The following C8orf34 variants were observed in gnomAD, a reference collection of about 807,000 sequenced individuals.
C8orf34 encodes the protein uncharacterized protein C8orf34.
C8orf34 carries 65 observed loss-of-function variants against 68.3 expected under a neutral mutation model. The observed-to-expected ratio is 0.95, with a 90% CI of 0.78 to 1.17. The LOEUF (loss-of-function observed/expected upper bound fraction) is 1.17. Among genes scored for constraint, C8orf34 ranks in the 50% most tolerant of loss-of-function variants. C8orf34 has a pLI of 0.00. For missense variants in C8orf34, 664 were observed against 655.4 expected (o/e 1.01, Z -0.14); for synonymous variants, 244 against 241.2 (o/e 1.01, Z -0.11).
chr8:68,815,605 C>T (rs1824786077), intron 12 of C8orf34, among the ~76,000 whole-genome samples: 1 of 152,108 alleles, frequency 6.6e-6, no homozygotes, highest in African/African-American at 2.4e-5. Context: ...ACACAGACTA[C>T]ATACATATCC....
intron 7 of C8orf34, among the ~76,000 whole-genome samples, chr8:68,634,429 C>T (rs981410973): frequency 3.3e-5 from 5 of 152,176 alleles, no homozygotes; most frequent in East Asian, 1.9e-4. Context: ...TTTCCTCCCT[C>T]GACTTATGCA....
Position 68,703,554 on chromosome 8 carries a change from C to G in C8orf34, c.1242-5440C>G, listed in dbSNP as rs145725607. ...GTTTCTTCCAGATCTTATTTCCTGC[C>G]CCAGGATGGCCAATGGGAATCATTC... On this transcript the variant is annotated intron_variant, in intron 8 of 13. Coordinates refer to ENST00000518698, the MANE Select transcript of C8orf34 (RefSeq NM_052958.4). Among the ~76,000 whole-genome samples the G allele has an allele frequency of 4.7e-3, 716 of 152,168 alleles. 8 individuals carry two copies. Among genetic ancestry groups the G allele is most frequent in the African/African-American group, 0.017 (696 of 41,534 alleles).
At chr8:68,567,125 A>C (rs1312044516) in intron 7 of C8orf34, among the ~76,000 whole-genome samples, 1 of 152,080 alleles carries the variant, frequency 6.6e-6, no homozygotes, top group African/African-American at 2.4e-5. Flanking sequence ...TTGGTATTAG[A>C]GTGATACTGG....
At chr8:68,453,956 C>T in intron 3 of C8orf34, among the ~76,000 whole-genome samples, 1 of 151,860 alleles carries the variant, frequency 6.6e-6, no homozygotes, top group East Asian at 1.9e-4. Flanking sequence ...CTCTTCTATT[C>T]CTAGTTTGTT....
At chr8:68,500,704 G>T (rs1813730167) in intron 5 of C8orf34, among the ~76,000 whole-genome samples, 1 of 152,120 alleles carries the variant, frequency 6.6e-6, no homozygotes, top group African/African-American at 2.4e-5. Flanking sequence ...GTAGGGCAAA[G>T]TGTCAACCAA....
intron 5 of C8orf34, among the ~76,000 whole-genome samples, chr8:68,488,816 C>G (rs1316165018): frequency 3.9e-5 from 6 of 152,078 alleles, no homozygotes; most frequent in Admixed American, 1.3e-4. Flanking sequence ...TATAACTAAA[C>G]ATATTCTCAT....
At chr8:68,481,052 A>G (rs1163640135) in intron 4 of C8orf34, among the ~76,000 whole-genome samples, 1 of 152,180 alleles carries the variant, frequency 6.6e-6, no homozygotes, top group Non-Finnish European at 1.5e-5. Context: ...CCCTCCCATC[A>G]CAGGCCTAGA....
intron 6 of C8orf34, among the ~76,000 whole-genome samples, chr8:68,531,212 G>C (rs934930277): frequency 1.3e-5 from 2 of 152,008 alleles, no homozygotes; most frequent in African/African-American, 4.8e-5. Flanking sequence ...CCACCATAAA[G>C]TTATCTAATG....
intron 7 of C8orf34, among the ~76,000 whole-genome samples, chr8:68,542,293 G>A (rs1815728453): frequency 6.6e-6 from 1 of 152,148 alleles, no homozygotes; most frequent in South Asian, 2.1e-4. Flanking sequence ...GTATTACAAT[G>A]CATTCTCTTA....
At chr8:68,662,987 A>G (rs1819727539) in intron 8 of C8orf34, among the ~76,000 whole-genome samples, 1 of 152,226 alleles carries the variant, frequency 6.6e-6, no homozygotes, top group South Asian at 2.1e-4. Context: ...AGTTCTGAAA[A>G]CAATGGAAGT....
At chr8:68,762,130 T>G (rs146431776) in intron 10 of C8orf34, among the ~76,000 whole-genome samples, 1,980 of 152,272 alleles carry the variant, frequency 0.013, 45 homozygotes, top group African/African-American at 0.043. Context: ...TGATTAAAGA[T>G]TCTCTTAATT....
chr8:68,397,194 C>G (rs1170025421), intron 1 of C8orf34, among the ~76,000 whole-genome samples: 2 of 151,812 alleles, frequency 1.3e-5, no homozygotes, highest in Non-Finnish European at 2.9e-5. Context: ...TTATTAGAGA[C>G]AAGGTTTCCA....
intron 7 of C8orf34, among the ~76,000 whole-genome samples, chr8:68,596,260 G>A (rs1172760984): frequency 1.3e-5 from 2 of 152,014 alleles, no homozygotes; most frequent in Non-Finnish European, 2.9e-5. Context: ...AGTAATGTGA[G>A]CTCAACTACT....
chr8:68,610,950 C>T (rs145980167), intron 7 of C8orf34, among the ~76,000 whole-genome samples: 25 of 150,894 alleles, frequency 1.7e-4, no homozygotes, highest in Middle Eastern at 3.4e-3. Context: ...CTGCAACCTC[C>T]GCCTACCAGG....
chr8:68,803,617 T>C (rs1423276216), intron 12 of C8orf34, among the ~76,000 whole-genome samples: 1 of 152,090 alleles, frequency 6.6e-6, no homozygotes, highest in Non-Finnish European at 1.5e-5. Flanking sequence ...GATAATCAAA[T>C]GAGACCAAAA....
chr8:68,721,242 C>A, intron 9 of C8orf34, 119 bp from the exon 10 acceptor site: 1 of 643,492 alleles, frequency 1.6e-6, no homozygotes. Context: ...CTCACAAACA[C>A]TATGATTTTT....
At position 68,355,185 on chromosome 8, in the gene C8orf34, A is replaced by G. The variant is rs564107043; in HGVS notation, c.327+23846A>G. On this transcript the variant is annotated intron_variant, in intron 1 of 13. Coordinates refer to ENST00000518698, the MANE Select transcript of C8orf34 (RefSeq NM_052958.4). ...ATTTGCTTTCAAGAGAGGGGCTGAG[A>G]AATAAATTCACACTGAACTGAAGCT... 2.6e-5 allele frequency among the ~76,000 whole-genome samples: 4 copies of G among 152,248 alleles called. No individual in the cohort carries two copies. In the South Asian group the frequency reaches 6.2e-4, roughly 24 times the overall value.
intron 10 of C8orf34, among the ~76,000 whole-genome samples, chr8:68,731,280 C>T (rs967272980): frequency 2.6e-5 from 4 of 152,180 alleles, no homozygotes; most frequent in Non-Finnish European, 5.9e-5. Flanking sequence ...CTTTTAACCA[C>T]ATTCATCTAA....
chr8:68,523,891 A>G (rs574493829), intron 6 of C8orf34, among the ~76,000 whole-genome samples: 90 of 152,280 alleles, frequency 5.9e-4, no homozygotes, highest in African/African-American at 2.2e-3. Flanking sequence ...CTCCTGAAAG[A>G]GAAAACTTAA....
Sources: allele counts gnomAD v4.1 joint callset (sites outside exome capture counted in the v4.1 genomes callset), GRCh38; gene constraint gnomAD v4.1.1; transcripts MANE v1.5; gene names NCBI Gene and HGNC (gene_info 2026-07-23, HGNC 2026-07-21).